The following RILPL2 variants were observed in gnomAD, a reference collection of about 807,000 sequenced individuals.
The protein encoded by RILPL2 is RILP-like protein 2.
Under a neutral mutation model 22.2 loss-of-function variants are expected in RILPL2, and 19 were observed. The ratio of observed to expected loss-of-function variants is 0.86; its 90% confidence interval spans 0.60 to 1.25. RILPL2 has a LOEUF of 1.25. Among genes scored for constraint, RILPL2 ranks in the 50% most tolerant of loss-of-function variants. The probability of loss-of-function intolerance (pLI) is 0.00; values close to 1 mark genes in which losing one functional copy is unlikely to be tolerated. For missense variants in RILPL2, 243 were observed against 263.6 expected (o/e 0.92, Z 0.54); for synonymous variants, 123 against 111.6 (o/e 1.10, Z -0.64).
intron 3 of RILPL2, among the ~76,000 whole-genome samples, chr12:123,419,980 C>A (rs1305944652): frequency 6.7e-6 from 1 of 148,252 alleles, no homozygotes; most frequent in African/African-American, 2.5e-5. Flanking sequence ...TACACGCCAC[C>A]ACACCCAGCT....
intron 2 of RILPL2, among the ~76,000 whole-genome samples, chr12:123,429,474 T>C (rs1879545978): frequency 6.6e-6 from 1 of 151,558 alleles, no homozygotes; most frequent in Non-Finnish European, 1.5e-5. Context: ...TTTTGTATTT[T>C]TTAGTAGAGA....
At chr12:123,434,819 C>A (rs951013910) in intron 1 of RILPL2, among the ~76,000 whole-genome samples, 2 of 151,882 alleles carry the variant, frequency 1.3e-5, no homozygotes, top group African/African-American at 4.8e-5. Context: ...CTTCTTTTCC[C>A]CCCACCACCA....
intron 2 of RILPL2, among the ~76,000 whole-genome samples, chr12:123,425,705 A>G (rs534991462): frequency 6.7e-6 from 1 of 148,634 alleles, no homozygotes; most frequent in South Asian, 2.1e-4. Flanking sequence ...GCTGGAGTAC[A>G]GTGGTGCGAT....
intron 1 of RILPL2, among the ~76,000 whole-genome samples, chr12:123,435,528 T>C (rs1707731): frequency 0.72 from 109,188 of 151,930 alleles, 39,883 homozygotes; most frequent in African/African-American, 0.85. Flanking sequence ...TCCTTGAGCT[T>C]AGGAGTTTGA....
chr12:123,429,091 C>G (rs572394373), intron 2 of RILPL2, among the ~76,000 whole-genome samples: 4 of 152,098 alleles, frequency 2.6e-5, no homozygotes, highest in South Asian at 2.1e-4. Flanking sequence ...TATAGCCTCT[C>G]TTGCTTGTCC....
At position 123,419,639 on chromosome 12, in the gene RILPL2, T is replaced by C. The variant is rs1879219367; in HGVS notation, c.605+3405A>G. 2.7e-5 allele frequency among the ~76,000 whole-genome samples: 4 copies of C among 148,986 alleles called. No individual in the cohort carries two copies. In the South Asian group the frequency reaches 8.5e-4, roughly 32 times the overall value. On this transcript the variant is annotated intron_variant, in intron 3 of 3. Coordinates refer to ENST00000280571, the MANE Select transcript of RILPL2 (RefSeq NM_145058.3). ...TTTTTTTTTTGAGATGGAGTCTTGC[T>C]CTATTGCCCAGGCTGGAGTGCAGGG...
At chr12:123,430,339 G>A (rs1338354679) in intron 2 of RILPL2, among the ~76,000 whole-genome samples, 169 bp downstream of exon 2, 1 of 151,608 alleles carries the variant, frequency 6.6e-6, no homozygotes, top group Non-Finnish European at 1.5e-5. Context: ...AACCCGGGAG[G>A]CAGAGGTTGC....
intron 2 of RILPL2, among the ~76,000 whole-genome samples, chr12:123,423,652 C>T (rs1408950035): frequency 1.3e-5 from 2 of 148,514 alleles, no homozygotes; most frequent in South Asian, 4.4e-4. Flanking sequence ...AATGTGATGC[C>T]TCGTTTCTTT....
At chr12:123,428,927 A>G (rs1230183436) in intron 2 of RILPL2, among the ~76,000 whole-genome samples, 1 of 152,144 alleles carries the variant, frequency 6.6e-6, no homozygotes. Flanking sequence ...CTCTACCTAT[A>G]AGAAAACATG....
intron 3 of RILPL2, among the ~76,000 whole-genome samples, chr12:123,418,122 C>CA (rs1476719561): frequency 6.6e-6 from 1 of 151,368 alleles, no homozygotes; most frequent in Non-Finnish European, 1.5e-5. Flanking sequence ...GAGGTCTCTA[C>CA]AAAAAAGCTC....
Sources: gnomAD v4.1 joint callset for allele counts (sites outside exome capture counted in the v4.1 genomes callset) on GRCh38, gnomAD v4.1.1 for gene constraint, MANE v1.5 for transcripts, NCBI Gene and HGNC (gene_info 2026-07-23, HGNC 2026-07-21) for gene names.